GMDS: variants seen among roughly 807,000 people sequenced by gnomAD.
The protein encoded by GMDS is GDP-mannose 4,6 dehydratase.
In GMDS, 20 loss-of-function variants were observed where a neutral mutation model predicts 49.9. The ratio of observed to expected loss-of-function variants is 0.40; its 90% confidence interval spans 0.28 to 0.58. The LOEUF (loss-of-function observed/expected upper bound fraction) is 0.58, where lower values mean the gene tolerates loss of function less well. GMDS is among the 20% of genes least tolerant of loss of function. The pLI, the probability that GMDS is intolerant of heterozygous loss-of-function variation, is 0.42. For missense variants in GMDS, 362 were observed against 481.4 expected (o/e 0.75, Z 2.32); for synonymous variants, 177 against 178.6 (o/e 0.99, Z 0.07).
In GMDS at chr6:1,997,249, C is replaced by CAT. The variant is rs1766340709; in HGVS notation, c.346-36284_346-36283insAT. Among the ~76,000 whole-genome samples, 4 of 152,158 alleles carry CAT rather than the reference C, an allele frequency of 2.6e-5. No homozygotes were observed. The South Asian group carries it at 8.3e-4, about 32-fold the overall frequency. On this transcript the variant is annotated intron_variant, in intron 4 of 10. Transcript: ENST00000380815. ...GACTGGCTGGGCACGGTGGCTCATGCCTGTAATCACAGCACTTTGGGAGGC... is the reference window on the plus strand; with the variant it reads ...GACTGGCTGGGCACGGTGGCTCATGCATCTGTAATCACAGCACTTTGGGAGGC...
chr6:1,625,869 C>T (rs1305597960), intron 9 of GMDS, among the ~76,000 whole-genome samples: 2 of 152,174 alleles, frequency 1.3e-5, no homozygotes, highest in Non-Finnish European at 2.9e-5. Flanking sequence ...AAAGGCCGTA[C>T]GAAAATAGCC....
Position 1,673,368 on chromosome 6 carries a change from CT to C in GMDS, c.988-48829del, listed in dbSNP as rs59839970. Among the ~76,000 whole-genome samples the C allele has an allele frequency of 3.7e-3, 534 of 143,148 alleles. 1 individual carries two copies. Among genetic ancestry groups the C allele is most frequent in the Middle Eastern group, 0.011 (3 of 278 alleles). The allele number at this position is 143,148 out of a possible 152,430, so 93.9% of individuals were successfully genotyped here. The stretch of plus-strand genomic sequence containing the variant: ...TCTCCTCAGTTAGGTTACCAAAGGG[CT>C]TTTTTTTTTTTTAAATAGACTTAGT... On this transcript the variant is annotated intron_variant, in intron 9 of 10. Transcript: ENST00000380815.
chr6:2,081,072 T>C (rs1030410302), intron 4 of GMDS, among the ~76,000 whole-genome samples: 1 of 152,164 alleles, frequency 6.6e-6, no homozygotes, highest in African/African-American at 2.4e-5. Flanking sequence ...ACTCTTTAAA[T>C]ATTTTTATCA....
intron 7 of GMDS, among the ~76,000 whole-genome samples, chr6:1,782,846 T>C (rs1769160867): frequency 6.6e-6 from 1 of 152,234 alleles, no homozygotes; most frequent in South Asian, 2.1e-4. Flanking sequence ...GGCATTATTA[T>C]TTCTCTGTCA....
intron 9 of GMDS, among the ~76,000 whole-genome samples, chr6:1,659,138 A>G (rs114361471): frequency 0.02 from 3,065 of 151,282 alleles, 107 homozygotes; most frequent in African/African-American, 0.069. Context: ...TGTGGGGTGT[A>G]TGCAGTTCCT....
chr6:2,085,520 GGAA>G (rs1382874021), intron 4 of GMDS, among the ~76,000 whole-genome samples: 6 of 151,892 alleles, frequency 4.0e-5, no homozygotes, highest in Non-Finnish European at 8.8e-5. Flanking sequence ...CAGTCTCCTC[GGAA>G]GAGAAAAATC....
chr6:1,964,156 TA>T (rs1351777088), intron 4 of GMDS, among the ~76,000 whole-genome samples: 1 of 152,240 alleles, frequency 6.6e-6, no homozygotes, highest in Non-Finnish European at 1.5e-5. Flanking sequence ...AACCTTAAAC[TA>T]GATCTTTCTG....
chr6:1,726,389 C>T (rs960295), intron 9 of GMDS, 27 bp downstream of exon 9: 357,729 of 1,490,082 alleles, frequency 0.24, 45,339 homozygotes, highest in East Asian at 0.35. Flanking sequence ...AATGTGGCCA[C>T]GCACTGGGTG....
At chr6:1,946,909 A>T (rs1396994673) in intron 6 of GMDS, among the ~76,000 whole-genome samples, 1 of 152,208 alleles carries the variant, frequency 6.6e-6, no homozygotes, top group Non-Finnish European at 1.5e-5. Context: ...CCATCCCCCA[A>T]ATCTGGCTCA....
chr6:1,908,715 A>G (rs933961730), intron 7 of GMDS, among the ~76,000 whole-genome samples: 1 of 152,194 alleles, frequency 6.6e-6, no homozygotes, highest in Non-Finnish European at 1.5e-5. Flanking sequence ...TGATTCCAAG[A>G]GAGGTGAGAG....
intron 7 of GMDS, among the ~76,000 whole-genome samples, chr6:1,882,932 T>C (rs1759429729): frequency 6.6e-6 from 1 of 152,210 alleles, no homozygotes; most frequent in South Asian, 2.1e-4. Context: ...TTGTGAGGAT[T>C]AGAAGAAACT....
chr6:2,206,369 T>C (rs1173663658), intron 1 of GMDS, among the ~76,000 whole-genome samples: 1 of 152,034 alleles, frequency 6.6e-6, no homozygotes, highest in African/African-American at 2.4e-5. Context: ...AAGTGGAGTG[T>C]GGTCAGACTC....
chr6:1,809,105 C>G (rs1244977981), intron 7 of GMDS, among the ~76,000 whole-genome samples: 1 of 152,154 alleles, frequency 6.6e-6, no homozygotes, highest in African/African-American at 2.4e-5. Flanking sequence ...TACTAAATGT[C>G]ATATCTAATG....
chr6:1,711,706 C>T (rs1213829637), intron 9 of GMDS, among the ~76,000 whole-genome samples: 1 of 152,184 alleles, frequency 6.6e-6, no homozygotes, highest in Middle Eastern at 3.2e-3. Flanking sequence ...CCTGTCTTTG[C>T]CTCTGACACC....
chr6:2,170,626 TA>T (rs1225913616), intron 1 of GMDS, among the ~76,000 whole-genome samples: 2 of 142,616 alleles, frequency 1.4e-5, no homozygotes, highest in Admixed American at 7.1e-5. Context: ...GACCCTGCCT[TA>T]AAAAAAAATA....
chr6:1,930,549 C>A (rs945789210), intron 6 of GMDS: 4 of 213,760 alleles, frequency 1.9e-5, no homozygotes, highest in African/African-American at 9.1e-5. Flanking sequence ...GTTGGAATGC[C>A]AGTTTTTAAA....
intron 1 of GMDS, among the ~76,000 whole-genome samples, chr6:2,196,496 T>C (rs1283104160): frequency 8.5e-5 from 13 of 152,250 alleles, no homozygotes; most frequent in Admixed American, 8.5e-4. Context: ...TCTCTAGAAC[T>C]GTTTTCTTAT....
chr6:2,209,566 C>T (rs1007845680), intron 1 of GMDS, among the ~76,000 whole-genome samples: 2 of 131,092 alleles, frequency 1.5e-5, no homozygotes, highest in Non-Finnish European at 3.2e-5. Context: ...CATACACATA[C>T]ACATACACAC....
intron 1 of GMDS, among the ~76,000 whole-genome samples, chr6:2,188,102 C>A (rs1778857778): frequency 6.6e-6 from 1 of 152,198 alleles, no homozygotes; most frequent in Non-Finnish European, 1.5e-5. Context: ...GGCTGACAAC[C>A]TGCTGCATCA....
Sources: gnomAD v4.1 joint callset for allele counts (sites outside exome capture counted in the v4.1 genomes callset) on GRCh38, gnomAD v4.1.1 for gene constraint, MANE v1.5 for transcripts, NCBI Gene and HGNC (gene_info 2026-07-23, HGNC 2026-07-21) for gene names.